NRG3: variants seen among roughly 807,000 people sequenced by gnomAD.
The protein encoded by NRG3 is pro-neuregulin-3, membrane-bound isoform.
A neutral mutation model predicts 66.9 loss-of-function variants in NRG3; 31 were observed. That is an observed-to-expected ratio of 0.46 (90% CI 0.35 to 0.63). The LOEUF (loss-of-function observed/expected upper bound fraction) is 0.63, where lower values mean the gene tolerates loss of function less well. Among genes scored for constraint, NRG3 ranks in the 20% least tolerant of loss-of-function variants. The pLI, the probability that NRG3 is intolerant of heterozygous loss-of-function variation, is 0.00. For missense variants in NRG3, 910 were observed against 878.9 expected (o/e 1.04, Z -0.45); for synonymous variants, 393 against 359.4 (o/e 1.09, Z -1.06).
At chr10:82,383,804 G>C (rs1229470076) in intron 2 of NRG3, among the ~76,000 whole-genome samples, 1 of 151,774 alleles carries the variant, frequency 6.6e-6, no homozygotes, top group East Asian at 1.9e-4. Context: ...TTTCACAATG[G>C]TTAAATAAAT....
At chr10:82,623,552 A>G (rs372040555) in intron 2 of NRG3, among the ~76,000 whole-genome samples, 1 of 152,142 alleles carries the variant, frequency 6.6e-6, no homozygotes, top group Admixed American at 6.6e-5. Context: ...GGATAGTTAC[A>G]TGGCTCAACA....
intron 6 of NRG3, 36 bp downstream of exon 6, chr10:82,959,111 T>C: frequency 6.5e-7 from 1 of 1,536,102 alleles, no homozygotes; most frequent in Non-Finnish European, 8.7e-7. Flanking sequence ...TCCTATAGCC[T>C]ACCTCAGTGC....
At chr10:82,073,815 T>A (rs1351867878) in intron 1 of NRG3, among the ~76,000 whole-genome samples, 2 of 152,222 alleles carry the variant, frequency 1.3e-5, no homozygotes, top group Non-Finnish European at 2.9e-5. Flanking sequence ...AAATAGTATA[T>A]GTACTTGAAA....
intron 1 of NRG3, among the ~76,000 whole-genome samples, chr10:82,119,831 TG>T (rs1243928324): frequency 2.0e-5 from 3 of 152,108 alleles, no homozygotes; most frequent in African/African-American, 4.8e-5. Flanking sequence ...TTCTAAAATT[TG>T]GAATGACGTT....
At chr10:82,448,249 T>C (rs1298422780) in intron 2 of NRG3, among the ~76,000 whole-genome samples, 4 of 152,226 alleles carry the variant, frequency 2.6e-5, no homozygotes, top group Non-Finnish European at 2.9e-5. Context: ...GAGAGGAATG[T>C]CAAATTTGTA....
chr10:82,918,917 T>G (rs1448009969), intron 4 of NRG3, among the ~76,000 whole-genome samples: 1 of 152,192 alleles, frequency 6.6e-6, no homozygotes, highest in Non-Finnish European at 1.5e-5. Context: ...GGAATTCAAA[T>G]GAACTGGGTG....
At chr10:82,247,471 G>A (rs1050892355) in intron 1 of NRG3, among the ~76,000 whole-genome samples, 4 of 152,146 alleles carry the variant, frequency 2.6e-5, no homozygotes, top group East Asian at 1.9e-4. Context: ...TACTGATGAC[G>A]TAATTACCTC....
intron 1 of NRG3, among the ~76,000 whole-genome samples, chr10:81,938,121 T>G (rs1401093577): frequency 6.6e-6 from 1 of 152,120 alleles, no homozygotes; most frequent in Admixed American, 6.6e-5. Context: ...GCCAGTACTG[T>G]TTTGATTAGT....
chr10:82,393,630 A>G (rs2086533752), intron 2 of NRG3, among the ~76,000 whole-genome samples: 1 of 152,196 alleles, frequency 6.6e-6, no homozygotes, highest in African/African-American at 2.4e-5. Flanking sequence ...AGGATAAACT[A>G]GAATAATCAT....
chr10:81,941,591 G>A (rs77405551), intron 1 of NRG3, among the ~76,000 whole-genome samples: 9,812 of 152,148 alleles, frequency 0.064, 349 homozygotes, highest in African/African-American at 0.085. Context: ...AAATCATCAT[G>A]CTTATTTACA....
chr10:82,429,098 G>A (rs888435736), intron 2 of NRG3, among the ~76,000 whole-genome samples: 5 of 151,892 alleles, frequency 3.3e-5, no homozygotes, highest in East Asian at 1.9e-4. Context: ...TGGATTAGTA[G>A]CAAATTAATG....
At chr10:81,877,736 G>A (rs1841802626) in intron 1 of NRG3, 1 of 1,366,812 alleles carries the variant, frequency 7.3e-7, no homozygotes, top group Non-Finnish European at 9.4e-7. Context: ...TGGCAGTAGA[G>A]CCAGTAACTT....
At chr10:81,910,276 G>A (rs1845003831) in intron 1 of NRG3, among the ~76,000 whole-genome samples, 1 of 152,168 alleles carries the variant, frequency 6.6e-6, no homozygotes, top group Non-Finnish European at 1.5e-5. Context: ...TTGCAGAGAA[G>A]AGTAAAGAGA....
At chr10:82,928,262 C>A (rs921425430) in intron 4 of NRG3, among the ~76,000 whole-genome samples, 2 of 151,964 alleles carry the variant, frequency 1.3e-5, no homozygotes, top group Non-Finnish European at 2.9e-5. Flanking sequence ...GGATAGATTG[C>A]AAAAATTTTT....
rs144893965 is a variant in NRG3 at position 82,217,324 on chromosome 10, A to T, written c.824-141415A>T. Among the ~76,000 whole-genome samples the T allele has an allele frequency of 9.3e-4, 141 of 152,274 alleles. No individual in the cohort carries two copies. In the East Asian group the frequency reaches 0.019, roughly 20 times the overall value. On this transcript the variant is annotated intron_variant, in intron 1 of 8. Transcript: ENST00000372141. ...ACCTGGGTGCCATCGCTCTTAACAC[A>T]CTTCTTAGCTCAGATGTTCCAATAT...
intron 2 of NRG3, among the ~76,000 whole-genome samples, chr10:82,365,928 G>A (rs1274976120): frequency 6.6e-6 from 1 of 152,130 alleles, no homozygotes; most frequent in Admixed American, 6.6e-5. Flanking sequence ...GCAGGAAATG[G>A]TGTTTTTTAA....
At chr10:82,839,763 G>T (rs113804851) in intron 3 of NRG3, among the ~76,000 whole-genome samples, 28 of 151,710 alleles carry the variant, frequency 1.8e-4, no homozygotes, top group African/African-American at 6.5e-4. Flanking sequence ...ATATGGAAAC[G>T]TATACTTATA....
At chr10:82,767,144 GT>G (rs779212949) in intron 3 of NRG3, among the ~76,000 whole-genome samples, 65 of 151,412 alleles carry the variant, frequency 4.3e-4, no homozygotes, top group Non-Finnish European at 7.8e-4. Context: ...TGGATTGTTG[GT>G]CCAGCTAGCA....
rs1037166194 is a variant in NRG3 at position 82,154,961 on chromosome 10, G to A, written c.824-203778G>A. Among the ~76,000 whole-genome samples, 7 of 151,634 alleles carry A rather than the reference G, an allele frequency of 4.6e-5. No homozygotes were observed. The East Asian group carries it at 1.3e-3, about 29-fold the overall frequency. The stretch of plus-strand genomic sequence containing the variant: ...CTAACAACTTTAGGTGAACACTTTA[G>A]GGTTTCTTCTATATAAGATCATCAG... On this transcript the variant is annotated intron_variant, in intron 1 of 8. Coordinates refer to ENST00000372141, the MANE Select transcript of NRG3 (RefSeq NM_001010848.4).
Sources: gnomAD v4.1 joint callset for allele counts (sites outside exome capture counted in the v4.1 genomes callset) on GRCh38, gnomAD v4.1.1 for gene constraint, MANE v1.5 for transcripts, NCBI Gene and HGNC (gene_info 2026-07-23, HGNC 2026-07-21) for gene names.